MAGI3: variants seen among roughly 807,000 people sequenced by gnomAD.
The protein encoded by MAGI3 is membrane associated guanylate kinase, WW and PDZ domain containing 3, also known as membrane-associated guanylate kinase, WW and PDZ domain-containing protein 3.
In MAGI3, 43 loss-of-function variants were observed where a neutral mutation model predicts 121.8. That is an observed-to-expected ratio of 0.35 (90% CI 0.28 to 0.46). The LOEUF is 0.46. Ranked by LOEUF, MAGI3 falls within the 20% of genes least tolerant of loss-of-function variation. The pLI, the probability that MAGI3 is intolerant of heterozygous loss-of-function variation, is 1.00. For synonymous variants in MAGI3, 553 were observed against 639.3 expected, an observed-to-expected ratio of 0.86 and a Z score of 2.04; for missense variants, 1,547 against 1,797.3, an observed-to-expected ratio of 0.86 and a Z score of 2.52.
chr1:113,510,248 CAG>C (rs1280725865), intron 1 of MAGI3, among the ~76,000 whole-genome samples: 1 of 151,044 alleles, frequency 6.6e-6, no homozygotes, highest in Non-Finnish European at 1.5e-5. Flanking sequence ...ACTTAGGTAA[CAG>C]AAATGTTATA....
intron 1 of MAGI3, among the ~76,000 whole-genome samples, chr1:113,527,470 G>A (rs1048836916): frequency 2.6e-5 from 4 of 152,196 alleles, no homozygotes; most frequent in Non-Finnish European, 5.9e-5. Context: ...GCATATAAAA[G>A]ATTGTGTTAT....
intron 1 of MAGI3, among the ~76,000 whole-genome samples, chr1:113,514,056 A>C (rs1451922231): frequency 6.6e-6 from 1 of 152,052 alleles, no homozygotes; most frequent in African/African-American, 2.4e-5. Context: ...AGAGAAATGC[A>C]AATCAAAACC....
At chr1:113,397,982 C>T (rs764872713) in intron 1 of MAGI3, among the ~76,000 whole-genome samples, 6 of 152,112 alleles carry the variant, frequency 3.9e-5, no homozygotes, top group African/African-American at 7.2e-5. Flanking sequence ...CAGCCACAGC[C>T]GACTGGCTTC....
intron 1 of MAGI3, among the ~76,000 whole-genome samples, chr1:113,432,865 T>C (rs1268179324): frequency 6.6e-6 from 1 of 152,086 alleles, no homozygotes; most frequent in Admixed American, 6.6e-5. Context: ...CCACATCCTC[T>C]TGCACGGTTG....
At chr1:113,650,605 G>A (rs929773613) in intron 13 of MAGI3, among the ~76,000 whole-genome samples, 1 of 152,188 alleles carries the variant, frequency 6.6e-6, no homozygotes, top group Admixed American at 6.5e-5. Context: ...GTACTGTTGA[G>A]AATGATCCCA....
intron 3 of MAGI3, among the ~76,000 whole-genome samples, chr1:113,581,576 T>A (rs1648027625): frequency 6.6e-6 from 1 of 152,110 alleles, no homozygotes; most frequent in South Asian, 2.1e-4. Context: ...ATACCCTTCT[T>A]TCACTTTCAC....
At chr1:113,481,187 T>A (rs1386532717) in intron 1 of MAGI3, among the ~76,000 whole-genome samples, 2 of 152,244 alleles carry the variant, frequency 1.3e-5, no homozygotes, top group African/African-American at 4.8e-5. Context: ...CATTTAGTAA[T>A]GCATATTGCT....
At chr1:113,510,896 C>A (rs1016962408) in intron 1 of MAGI3, among the ~76,000 whole-genome samples, 1 of 152,132 alleles carries the variant, frequency 6.6e-6, no homozygotes, top group African/African-American at 2.4e-5. Context: ...CTCAAATGTC[C>A]CTTGATTTCT....
intron 1 of MAGI3, among the ~76,000 whole-genome samples, chr1:113,480,654 G>A (rs1656066893): frequency 6.6e-6 from 1 of 152,228 alleles, no homozygotes. Context: ...AATGATACAG[G>A]TAATGTGAAA....
intron 1 of MAGI3, among the ~76,000 whole-genome samples, chr1:113,530,997 C>T (rs1658691570): frequency 6.6e-6 from 1 of 152,068 alleles, no homozygotes; most frequent in Non-Finnish European, 1.5e-5. Flanking sequence ...TATTTAAATG[C>T]AGAAATATAT....
intron 19 of MAGI3, among the ~76,000 whole-genome samples, chr1:113,675,438 A>G (rs1197479010): frequency 6.6e-6 from 1 of 152,198 alleles, no homozygotes; most frequent in Non-Finnish European, 1.5e-5. Flanking sequence ...CCAAGGGGAG[A>G]AAGGATATGG....
intron 9 of MAGI3, among the ~76,000 whole-genome samples, chr1:113,630,328 AG>A (rs1328910632): frequency 6.6e-6 from 1 of 152,102 alleles, no homozygotes; most frequent in Non-Finnish European, 1.5e-5. Flanking sequence ...GAATGCTGTC[AG>A]GCCTGGGACT....
At chr1:113,661,074 C>T (rs1653765391) in intron 16 of MAGI3, among the ~76,000 whole-genome samples, 2 of 152,106 alleles carry the variant, frequency 1.3e-5, no homozygotes, top group South Asian at 2.1e-4. Flanking sequence ...TAGCTAGTTA[C>T]ATGACAAAAA....
chr1:113,466,616 T>C (rs1655302239), intron 1 of MAGI3, among the ~76,000 whole-genome samples: 1 of 152,170 alleles, frequency 6.6e-6, no homozygotes, highest in Non-Finnish European at 1.5e-5. Flanking sequence ...ACACTTTTCT[T>C]TGATGGGAGA....
Position 113,480,324 on chromosome 1 carries a change from C to T in MAGI3, c.317-69191C>T, listed in dbSNP as rs567141831. Among the ~76,000 whole-genome samples, 10 of 152,296 alleles carry T rather than the reference C, an allele frequency of 6.6e-5. No individual in the cohort carries two copies. In the South Asian group the frequency reaches 2.1e-3, roughly 32 times the overall value. ...TTGCAGGGCCTATAGGGAGGGCTTG[C>T]CTAGTGCCTGGGTCTGTGGGGGCTG... On this transcript the variant is annotated intron_variant, in intron 1 of 20. Transcript: ENST00000307546.
intron 2 of MAGI3, among the ~76,000 whole-genome samples, chr1:113,553,236 G>A (rs182688221): frequency 6.6e-6 from 1 of 152,236 alleles, no homozygotes; most frequent in African/African-American, 2.4e-5. Flanking sequence ...AGCACAAGGA[G>A]GGAGAGTCCA....
chr1:113,484,900 G>T (rs907939176), intron 1 of MAGI3, among the ~76,000 whole-genome samples: 1 of 150,462 alleles, frequency 6.6e-6, no homozygotes, highest in Non-Finnish European at 1.5e-5. Context: ...AATTTTTTTT[G>T]GTTTTGTATT....
At chr1:113,511,840 T>TA (rs949442113) in intron 1 of MAGI3, among the ~76,000 whole-genome samples, 3 of 152,216 alleles carry the variant, frequency 2.0e-5, no homozygotes, top group African/African-American at 7.2e-5. Context: ...GGCTATAACT[T>TA]AAATGGTTTT....
Position 113,413,977 on chromosome 1 carries a change from C to T in MAGI3, c.316+22628C>T, listed in dbSNP as rs368519595. ...GTGCTGGTTTTCAAAGGGATGCTTCCGGTTTTAGCCCATTCAGTATGATAT... is the reference window on the plus strand; with the variant it reads ...GTGCTGGTTTTCAAAGGGATGCTTCTGGTTTTAGCCCATTCAGTATGATAT... On this transcript the variant is annotated intron_variant, in intron 1 of 20. Coordinates refer to ENST00000307546, the MANE Select transcript of MAGI3 (RefSeq NM_001142782.2). Among the ~76,000 whole-genome samples, 29 of 152,124 alleles carry T rather than the reference C, an allele frequency of 1.9e-4. No individual in the cohort carries two copies. The South Asian group carries it at 2.1e-3, about 11-fold the overall frequency.
Sources: allele counts gnomAD v4.1 joint callset (sites outside exome capture counted in the v4.1 genomes callset), GRCh38; gene constraint gnomAD v4.1.1; transcripts MANE v1.5; gene names NCBI Gene and HGNC (gene_info 2026-07-23, HGNC 2026-07-21).